Variants in HMCN1 observed in about 807,000 individuals in gnomAD.
HMCN1 encodes hemicentin-1.
Under a neutral mutation model 625.9 loss-of-function variants are expected in HMCN1, and 321 were observed. That is an observed-to-expected ratio of 0.51 (90% CI 0.47 to 0.56). The LOEUF is 0.56. HMCN1 is among the 20% of genes least tolerant of loss of function. The probability of loss-of-function intolerance (pLI) is 0.00; values close to 1 mark genes in which losing one functional copy is unlikely to be tolerated. For synonymous variants in HMCN1, 2,425 were observed against 2,417.6 expected (o/e 1.00, Z -0.09); for missense variants, 6,588 against 6,887.3 (o/e 0.96, Z 1.54).
At chr1:185,984,940 T>A (rs987856430) in intron 19 of HMCN1, among the ~76,000 whole-genome samples, 58 of 151,854 alleles carry the variant, frequency 3.8e-4, no homozygotes, top group Non-Finnish European at 5.2e-4. Context: ...ATTGCTTTTT[T>A]AAAAAAAACA....
At chr1:186,114,746 A>G in intron 73 of HMCN1, 73 bp from the exon 74 acceptor site, 4 of 1,556,918 alleles carry the variant, frequency 2.6e-6, no homozygotes, top group South Asian at 1.1e-5. Context: ...AGTGTTTAAC[A>G]TTTCCCTCAG....
At chr1:186,076,184 G>A (rs1489832821) in intron 53 of HMCN1, among the ~76,000 whole-genome samples, 1 of 152,084 alleles carries the variant, frequency 6.6e-6, no homozygotes. Context: ...CTTTAACGGG[G>A]AGAGCAAAGC....
intron 1 of HMCN1, among the ~76,000 whole-genome samples, chr1:185,759,395 A>G (rs995063893): frequency 6.6e-6 from 1 of 152,188 alleles, no homozygotes; most frequent in Non-Finnish European, 1.5e-5. Flanking sequence ...TCCTGACCAA[A>G]GCATGAAGGG....
chr1:186,036,716 A>G (rs1190406760), intron 36 of HMCN1, among the ~76,000 whole-genome samples: 1 of 151,108 alleles, frequency 6.6e-6, no homozygotes, highest in African/African-American at 2.4e-5. Flanking sequence ...TCACCCTCCC[A>G]AGTAGCTGGG....
chr1:186,182,021 A>G, intron 104 of HMCN1, 147 bp from the exon 105 acceptor site: 1 of 807,110 alleles, frequency 1.2e-6, no homozygotes, highest in Non-Finnish European at 2.1e-6. Context: ...CTTCATAGAA[A>G]ATAGCTCTGA....
intron 46 of HMCN1, among the ~76,000 whole-genome samples, chr1:186,059,646 T>C (rs1021954944): frequency 6.6e-6 from 1 of 152,102 alleles, no homozygotes; most frequent in Non-Finnish European, 1.5e-5. Flanking sequence ...TTCAGTCTCC[T>C]GTACATGCCT....
chr1:186,052,862 T>A, intron 42 of HMCN1, 90 bp from the exon 43 acceptor site: 1 of 1,114,044 alleles, frequency 9.0e-7, no homozygotes, highest in Non-Finnish European at 1.4e-6. Flanking sequence ...CCTTATGTCA[T>A]TTGAGTAGAA....
In HMCN1 at chr1:185,791,848, G is replaced by A. The variant is rs116346293; in HGVS notation, c.269-54178G>A. Among the ~76,000 whole-genome samples, 1,370 of 152,282 alleles carry A rather than the reference G, an allele frequency of 9.0e-3. 31 individuals are homozygous for A. The highest frequency in any genetic ancestry group is 0.032 in the African/African-American group (1,324 of 41,550). Reference sequence around the variant, plus strand: ...TAAATGTGTAGGACAATCTTAAATAGCTTAAGCAAACCCATGTAAATTCTG... The same window carrying A: ...TAAATGTGTAGGACAATCTTAAATAACTTAAGCAAACCCATGTAAATTCTG... On this transcript the variant is annotated intron_variant, in intron 1 of 106. Coordinates refer to ENST00000271588, the MANE Select transcript of HMCN1 (RefSeq NM_031935.3).
In HMCN1 at chr1:186,157,838, C is replaced by T. The variant is rs966787037; in HGVS notation, c.15256+3851C>T. Among the ~76,000 whole-genome samples, 96 of 152,188 alleles carry T rather than the reference C, an allele frequency of 6.3e-4. No individual in the cohort carries two copies. In the Middle Eastern group the frequency reaches 0.037, roughly 59 times the overall value. Reference sequence around the variant, plus strand: ...GCCACATTTTCTTAATCCAGTCTATCATTGTTGGACATTTGGGTTGGTTCC... The same window carrying T: ...GCCACATTTTCTTAATCCAGTCTATTATTGTTGGACATTTGGGTTGGTTCC... On this transcript the variant is annotated intron_variant, in intron 97 of 106. Transcript: ENST00000271588.
chr1:185,865,530 C>T (rs1663121980), intron 3 of HMCN1, among the ~76,000 whole-genome samples: 1 of 149,148 alleles, frequency 6.7e-6, no homozygotes, highest in Non-Finnish European at 1.5e-5. Flanking sequence ...TCACCATGTT[C>T]CTATCTGGGT....
chr1:185,998,647 C>T (rs1412562738), intron 25 of HMCN1, among the ~76,000 whole-genome samples: 1 of 152,018 alleles, frequency 6.6e-6, no homozygotes. Flanking sequence ...TTTTGACTTC[C>T]CTTTTCCACC....
intron 13 of HMCN1, among the ~76,000 whole-genome samples, chr1:185,964,978 T>G (rs1650301054): frequency 6.6e-6 from 1 of 152,096 alleles, no homozygotes; most frequent in Admixed American, 6.6e-5. Flanking sequence ...ATTTATAATT[T>G]TTGAAAGAGA....
chr1:185,880,239 A>T (rs1416710593), intron 4 of HMCN1, among the ~76,000 whole-genome samples: 1 of 152,130 alleles, frequency 6.6e-6, no homozygotes, highest in African/African-American at 2.4e-5. Flanking sequence ...CACGGTGAAG[A>T]CTTTGGTCTA....
At chr1:186,171,527 T>C in intron 101 of HMCN1, 77 bp downstream of exon 101, 2 of 1,100,510 alleles carry the variant, frequency 1.8e-6, no homozygotes, top group Non-Finnish European at 2.8e-6. Flanking sequence ...ATGCATACAC[T>C]GTGTCTTGGT....
At chr1:185,775,685 A>G (rs1249458710) in intron 1 of HMCN1, among the ~76,000 whole-genome samples, 5 of 152,186 alleles carry the variant, frequency 3.3e-5, no homozygotes, top group Non-Finnish European at 7.4e-5. Context: ...GATTTGATGT[A>G]ACTAATTGAT....
intron 100 of HMCN1, 39 bp from the exon 101 acceptor site, chr1:186,171,298 C>A: frequency 7.2e-7 from 1 of 1,395,556 alleles, no homozygotes; most frequent in South Asian, 1.2e-5. Flanking sequence ...ATTCAGGTTT[C>A]CTAATAGCAT....
intron 97 of HMCN1, among the ~76,000 whole-genome samples, chr1:186,164,711 G>A (rs955864029): frequency 1.4e-4 from 21 of 152,146 alleles, no homozygotes; most frequent in African/African-American, 5.1e-4. Context: ...TTTTTCACGG[G>A]CACAAATTAT....
chr1:185,848,141 C>A (rs747575586), intron 2 of HMCN1, among the ~76,000 whole-genome samples: 11 of 152,196 alleles, frequency 7.2e-5, no homozygotes, highest in Non-Finnish European at 1.5e-4. Flanking sequence ...TCAATGCCAA[C>A]CGCATTGTCT....
At chr1:186,097,126 A>G (rs2102427631) in intron 68 of HMCN1, among the ~76,000 whole-genome samples, 1 of 152,278 alleles carries the variant, frequency 6.6e-6, no homozygotes, top group Admixed American at 6.5e-5. Flanking sequence ...TCTAATATAT[A>G]GAAAACCTCT....
Sources: allele counts gnomAD v4.1 joint callset (sites outside exome capture counted in the v4.1 genomes callset), GRCh38; gene constraint gnomAD v4.1.1; transcripts MANE v1.5; gene names NCBI Gene and HGNC (gene_info 2026-07-23, HGNC 2026-07-21).